MYRFL: variants seen among roughly 807,000 people sequenced by gnomAD.
MYRFL encodes the protein myelin regulatory factor like.
A neutral mutation model predicts 109.4 loss-of-function variants in MYRFL; 88 were observed. The ratio of observed to expected loss-of-function variants is 0.80; its 90% CI spans 0.68 to 0.96. The LOEUF (loss-of-function observed/expected upper bound fraction) is 0.96, where lower values mean the gene tolerates loss of function less well. Ranked by LOEUF, MYRFL falls within the 40% of genes least tolerant of loss-of-function variation. The pLI, the probability that MYRFL is intolerant of heterozygous loss-of-function variation, is 0.00. For synonymous variants in MYRFL, 324 were observed against 320.9 expected, an observed-to-expected ratio of 1.01 and a Z score of -0.10; for missense variants, 957 against 954.9, an observed-to-expected ratio of 1.00 and a Z score of -0.03.
chr12:69,839,090 C>T (rs1423702901), intron 1 of MYRFL, among the ~76,000 whole-genome samples: 1 of 152,132 alleles, frequency 6.6e-6, no homozygotes, highest in East Asian at 1.9e-4. Flanking sequence ...AACCGTAATG[C>T]TAAAGGAACG....
chr12:69,879,381 T>G lies in MYRFL; in HGVS notation c.392T>G (p.Leu131Arg). 1.4e-6 allele frequency: 1 copy of G among 702,904 alleles called. No individual in the cohort carries two copies. The highest frequency in any genetic ancestry group is 2.6e-6 in the Non-Finnish European group (1 of 384,842). The allele number at this position is 702,904 out of a possible 1,614,324, so 43.5% of individuals were successfully genotyped here. A position where few individuals can be genotyped will look rare whatever the true frequency, so the allele number is the denominator to read the frequency against. ...AACGCCAGTCATCTTGCCACCCCCC[T>G]GGACCAATCCGTGTCCTCCCATCTG... The part of the protein sequence containing the change: ...HSNASHLATP[L>R]DQSVSSHLGI... The change falls in exon 4 of 25, where the codon CTG becomes CGG. Residue 131 changes from leucine to arginine, a missense_variant. Coordinates refer to ENST00000552032, the MANE Select transcript of MYRFL (RefSeq NM_182530.3).
chr12:69,910,349 G>A (rs1954519079), intron 12 of MYRFL, among the ~76,000 whole-genome samples: 1 of 152,078 alleles, frequency 6.6e-6, no homozygotes, highest in African/African-American at 2.4e-5. Flanking sequence ...ATGGGCTGAG[G>A]GTTCAGGGAC....
chr12:69,926,117 C>CTTTTTTTTT (rs147973443), intron 13 of MYRFL, among the ~76,000 whole-genome samples: 8 of 84,842 alleles, frequency 9.4e-5, no homozygotes, highest in Non-Finnish European at 1.3e-4. Flanking sequence ...TCTTCTTCTT[C>CTTTTTTTTT]TTTTTTTTTT....
chr12:69,955,336 G>T, intron 21 of MYRFL, 27 bp from the exon 22 acceptor site: 1 of 615,410 alleles, frequency 1.6e-6, no homozygotes, highest in Non-Finnish European at 2.9e-6. Flanking sequence ...ATTTTGATTT[G>T]TGGTTTTATT....
chr12:69,895,315 G>A, intron 8 of MYRFL, 56 bp from the exon 9 acceptor site: 1 of 1,266,484 alleles, frequency 7.9e-7, no homozygotes, highest in Non-Finnish European at 1.1e-6. Context: ...GATATGATCA[G>A]AGATTTGGTG....
intron 6 of MYRFL, among the ~76,000 whole-genome samples, chr12:69,887,854 T>A (rs1565998652): frequency 6.6e-6 from 1 of 152,172 alleles, no homozygotes; most frequent in South Asian, 2.1e-4. Flanking sequence ...CATTGAAATG[T>A]CATGACTTTG....
At chr12:69,927,236 C>T (rs529693962) in intron 14 of MYRFL, among the ~76,000 whole-genome samples, 1 of 151,978 alleles carries the variant, frequency 6.6e-6, no homozygotes, top group Non-Finnish European at 1.5e-5. Context: ...TGAGCCACCA[C>T]GCCCGGCCCT....
chr12:69,868,295 A>G (rs1328952269), intron 2 of MYRFL, among the ~76,000 whole-genome samples: 1 of 150,116 alleles, frequency 6.7e-6, no homozygotes, highest in Admixed American at 6.6e-5. Context: ...TTTTTTTTTT[A>G]GTAGAGATGG....
intron 2 of MYRFL, among the ~76,000 whole-genome samples, chr12:69,870,190 C>A (rs1177702473): frequency 2.9e-5 from 4 of 136,730 alleles, no homozygotes; most frequent in Non-Finnish European, 6.1e-5. Flanking sequence ...CTCACTGCAA[C>A]CTCTGCCTCC....
intron 19 of MYRFL, among the ~76,000 whole-genome samples, chr12:69,949,849 A>T (rs35118400): frequency 0.033 from 5,061 of 152,228 alleles, 283 homozygotes; most frequent in African/African-American, 0.12. Context: ...GGACTCTGGA[A>T]TTAGATGGTT....
At chr12:69,885,436 G>A (rs557064503) in intron 5 of MYRFL, among the ~76,000 whole-genome samples, 3 of 152,192 alleles carry the variant, frequency 2.0e-5, no homozygotes, top group African/African-American at 7.2e-5. Context: ...AAACAACCCA[G>A]CTCCTTTCTC....
At chr12:69,897,545 A>T (rs1954036625) in intron 10 of MYRFL, among the ~76,000 whole-genome samples, 1 of 152,218 alleles carries the variant, frequency 6.6e-6, no homozygotes, top group Admixed American at 6.5e-5. Flanking sequence ...ACAAAACATT[A>T]TACCTCCCAA....
chr12:69,848,947 C>A (rs914081710), intron 1 of MYRFL, among the ~76,000 whole-genome samples: 1 of 152,214 alleles, frequency 6.6e-6, no homozygotes, highest in Non-Finnish European at 1.5e-5. Flanking sequence ...TCTCGGCTCA[C>A]TGCAACCTCT....
chr12:69,925,841 A>G (rs1476413226), intron 13 of MYRFL, among the ~76,000 whole-genome samples: 1 of 152,134 alleles, frequency 6.6e-6, no homozygotes, highest in Middle Eastern at 3.2e-3. Flanking sequence ...AGTTCATTGG[A>G]TTTTGAAGCA....
intron 9 of MYRFL, among the ~76,000 whole-genome samples, chr12:69,895,682 C>A (rs1424910192): frequency 6.6e-6 from 1 of 152,136 alleles, no homozygotes; most frequent in African/African-American, 2.4e-5. Flanking sequence ...AACCCCATGC[C>A]CTGCAATGCC....
intron 6 of MYRFL, among the ~76,000 whole-genome samples, chr12:69,887,338 G>A (rs1243286622): frequency 6.6e-6 from 1 of 151,990 alleles, no homozygotes; most frequent in Non-Finnish European, 1.5e-5. Flanking sequence ...ACTTTTCTGG[G>A]GGCCACATTA....
chr12:69,830,675 A>T (rs969645139), intron 1 of MYRFL, among the ~76,000 whole-genome samples: 1 of 152,086 alleles, frequency 6.6e-6, no homozygotes, highest in Non-Finnish European at 1.5e-5. Context: ...TTTCTATGAA[A>T]TTATCTGAAC....
At chr12:69,894,815 T>A (rs1953927400) in intron 8 of MYRFL, among the ~76,000 whole-genome samples, 2 of 152,230 alleles carry the variant, frequency 1.3e-5, no homozygotes, top group African/African-American at 4.8e-5. Flanking sequence ...GAGAAGAAGA[T>A]GATTTCATGG....
intron 2 of MYRFL, among the ~76,000 whole-genome samples, chr12:69,869,900 A>G (rs1885239964): frequency 6.6e-6 from 1 of 152,176 alleles, no homozygotes; most frequent in African/African-American, 2.4e-5. Flanking sequence ...TCATGGATGT[A>G]CATATCACCT....
Sources: gnomAD v4.1 joint callset for allele counts (sites outside exome capture counted in the v4.1 genomes callset) on GRCh38, gnomAD v4.1.1 for gene constraint, MANE v1.5 for transcripts, NCBI Gene and HGNC (gene_info 2026-07-23, HGNC 2026-07-21) for gene names.